ZDHHC3: variants seen among roughly 807,000 people sequenced by gnomAD.
ZDHHC3 encodes zDHHC palmitoyltransferase 3.
In ZDHHC3, 9 loss-of-function variants were observed where a neutral mutation model predicts 30.6. The ratio of observed to expected loss-of-function variants is 0.29; its 90% CI spans 0.18 to 0.51. ZDHHC3 has a LOEUF of 0.51. Ranked by LOEUF, ZDHHC3 falls within the 20% of genes least tolerant of loss-of-function variation. The pLI is 0.97. For synonymous variants in ZDHHC3, 136 were observed against 140.2 expected (o/e 0.97, Z 0.21); for missense variants, 246 against 384.2 (o/e 0.64, Z 3.01).
Position 44,932,814 on chromosome 3 carries a change from G to A in ZDHHC3, c.610+304C>T, listed in dbSNP as rs1331575577. On this transcript the variant is annotated intron_variant, in intron 5 of 6. Transcript: ENST00000424952. ...ACTTCTCTCCCAGCATGGCTCCCAC[G>A]CATTGGAACCGGCCTCTGTGCTTGC... is the stretch of plus-strand genomic sequence containing the variant. 26 of 1,159,544 alleles carry A rather than the reference G, an allele frequency of 2.2e-5. 1 individual carries two copies. The highest frequency in any genetic ancestry group is 6.3e-5 in the South Asian group (5 of 78,796). The allele number at this position is 1,159,544 out of a possible 1,614,324, so 71.8% of individuals were successfully genotyped here.
At chr3:44,937,941 C>T (rs959331275) in intron 3 of ZDHHC3, 5 of 475,576 alleles carry the variant, frequency 1.1e-5, no homozygotes, top group Admixed American at 4.4e-5. Context: ...CAAGGAACTG[C>T]CGTGAGACAG....
chr3:44,959,539 G>A lies in ZDHHC3; in HGVS notation c.-24-79C>T. On this transcript the variant is annotated intron_variant, in intron 1 of 6. Transcript: ENST00000424952. This position sits in a 1 kb window ranked among gnomAD's most constrained non-coding sequence, Gnocchi z 4.3. ...GGTTTGACAAAATTGCTCCCATAGT[G>A]AGTTGTGATTACTTATCTGCAACCC... is the stretch of plus-strand genomic sequence containing the variant. The A allele has an allele frequency of 7.7e-7, 1 of 1,296,796 alleles. No homozygotes were observed. Among genetic ancestry groups the A allele is most frequent in the Admixed American group, 2.2e-5 (1 of 45,588 alleles). 80.3% of individuals were successfully genotyped at this position (1,296,796 alleles called of 1,614,324 possible). A position where few individuals can be genotyped will look rare whatever the true frequency, so the allele number is the denominator to read the frequency against.
chr3:44,933,732 CTTG>C (rs1457899732), intron 4 of ZDHHC3, among the ~76,000 whole-genome samples, 153 bp downstream of exon 4: 1 of 152,206 alleles, frequency 6.6e-6, no homozygotes, highest in Non-Finnish European at 1.5e-5. Context: ...GGTACAGGCA[CTTG>C]TTGAGCCAGA....
chr3:44,961,853 C>T (rs760862836), intron 1 of ZDHHC3, among the ~76,000 whole-genome samples: 11 of 152,338 alleles, frequency 7.2e-5, no homozygotes, highest in South Asian at 6.2e-4. Flanking sequence ...ACAGCCATGT[C>T]ATTTGATTAT....
rs116213075 is a variant in ZDHHC3, at chr3:44,943,731, C to T, written c.431+1437G>A. Among the ~76,000 whole-genome samples the T allele has an allele frequency of 4.1e-3, 630 of 152,236 alleles. 4 individuals carry two copies. Among genetic ancestry groups the T allele is most frequent in the African/African-American group, 0.014 (602 of 41,550 alleles). ...ATGTAAAGTTTCCTTGTATGTCAGT[C>T]GAGGTGGCTCACACCTGTAATCCCA... On this transcript the variant is annotated intron_variant, in intron 3 of 6. Transcript: ENST00000424952.
rs549192714 is a variant in ZDHHC3, at chr3:44,927,225, T to C, written c.742-378A>G. ...GTGCTGGGCTGTGGATGGAGTACTA[T>C]GAAGGCTTTGGCGTGAGAGGCCTCA... is the stretch of plus-strand genomic sequence containing the variant. On this transcript the variant is annotated intron_variant, in intron 6 of 6. Coordinates refer to ENST00000424952, the MANE Select transcript of ZDHHC3 (RefSeq NM_001135179.2). Among the ~76,000 whole-genome samples the C allele has an allele frequency of 1.1e-4, 16 of 152,316 alleles. No homozygotes were observed. In the East Asian group the frequency reaches 2.3e-3, roughly 22 times the overall value.
At chr3:44,967,323 T>A (rs1018311498) in intron 1 of ZDHHC3, among the ~76,000 whole-genome samples, 3 of 152,184 alleles carry the variant, frequency 2.0e-5, no homozygotes, top group African/African-American at 7.2e-5. Context: ...TTCCTCTACT[T>A]ACTATAACTA....
At position 44,959,033 on chromosome 3, in the gene ZDHHC3, C is replaced by T. The variant is rs1247274329; in HGVS notation, c.306+98G>A. Reference sequence around the variant, plus strand: ...ACCCTCCCCTGGCCCTCCTATCCTCCAAGTTCCCAAGGTCCAGGGGGAACA... The same window carrying T: ...ACCCTCCCCTGGCCCTCCTATCCTCTAAGTTCCCAAGGTCCAGGGGGAACA... On this transcript the variant is annotated intron_variant, in intron 2 of 6. Coordinates refer to ENST00000424952, the MANE Select transcript of ZDHHC3 (RefSeq NM_001135179.2). This position sits in a 1 kb window ranked among gnomAD's most constrained non-coding sequence, Gnocchi z 4.3. 1.4e-6 allele frequency: 2 copies of T among 1,459,394 alleles called. No individual in the cohort carries two copies. The highest frequency in any genetic ancestry group is 1.9e-6 in the Non-Finnish European group (2 of 1,067,774). 90.4% of individuals were successfully genotyped at this position (1,459,394 alleles called of 1,614,324 possible). A position where few individuals can be genotyped will look rare whatever the true frequency, so the allele number is the denominator to read the frequency against.
chr3:44,941,557 C>T (rs1349984950), intron 3 of ZDHHC3, among the ~76,000 whole-genome samples: 2 of 152,142 alleles, frequency 1.3e-5, no homozygotes, highest in African/African-American at 2.4e-5. Context: ...GGGCTCTAAG[C>T]AGCCCAGGAC....
chr3:44,955,489 A>T (rs923530296), intron 2 of ZDHHC3, among the ~76,000 whole-genome samples: 1 of 148,552 alleles, frequency 6.7e-6, no homozygotes, highest in Non-Finnish European at 1.5e-5. Context: ...ATATATATAT[A>T]TTTTAAACTA....
intron 3 of ZDHHC3, 95 bp downstream of exon 3, chr3:44,945,073 G>C: frequency 6.4e-7 from 1 of 1,567,706 alleles, no homozygotes; most frequent in Non-Finnish European, 8.7e-7. Context: ...GCCCCTGTTG[G>C]GGAAGTGTGT....
intron 2 of ZDHHC3, among the ~76,000 whole-genome samples, chr3:44,950,456 C>T (rs1703346431): frequency 6.6e-6 from 1 of 152,208 alleles, no homozygotes. Flanking sequence ...TTGGTATTCT[C>T]ATTACGGCCT....
rs781519062 is a variant in ZDHHC3 at position 44,924,322 on chromosome 3, T to G, written c.*2367A>C. 2.1e-5 allele frequency: 21 copies of G among 985,348 alleles called. No individual in the cohort carries two copies. The highest frequency in any genetic ancestry group is 2.3e-5 in the Non-Finnish European group (19 of 829,946). The allele number at this position is 985,348 out of a possible 1,614,324, so 61.0% of individuals were successfully genotyped here. ...AATGATGGCTACATTCCTCAGTCAT[T>G]GTGCTCTTGGCAAAATATCAGTCTG... On this transcript the variant is annotated 3_prime_UTR_variant, in exon 7 of 7. Coordinates refer to ENST00000424952, the MANE Select transcript of ZDHHC3 (RefSeq NM_001135179.2).
chr3:44,942,200 G>A (rs183140061), intron 3 of ZDHHC3, among the ~76,000 whole-genome samples: 1 of 152,274 alleles, frequency 6.6e-6, no homozygotes, highest in Non-Finnish European at 1.5e-5. Context: ...AGCGGGCAAG[G>A]TCGACATCAA....
intron 1 of ZDHHC3, among the ~76,000 whole-genome samples, chr3:44,963,180 G>A (rs950436336): frequency 6.6e-5 from 10 of 152,262 alleles, no homozygotes; most frequent in South Asian, 6.2e-4. Flanking sequence ...TCAAGTAACC[G>A]GAATGTTCTA....
At chr3:44,973,971 G>A (rs1705641491) in intron 1 of ZDHHC3, among the ~76,000 whole-genome samples, 1 of 152,014 alleles carries the variant, frequency 6.6e-6, no homozygotes, top group African/African-American at 2.4e-5. Flanking sequence ...GATTTTTTTG[G>A]TTATCATATG....
At chr3:44,974,637 CCT>C (rs1705721772) in intron 1 of ZDHHC3, among the ~76,000 whole-genome samples, 1 of 152,230 alleles carries the variant, frequency 6.6e-6, no homozygotes, top group Non-Finnish European at 1.5e-5. Context: ...TCCGGCTTCA[CCT>C]CTTTCAGTTT....
chr3:44,953,357 T>G (rs759764981), intron 2 of ZDHHC3, among the ~76,000 whole-genome samples: 95 of 152,328 alleles, frequency 6.2e-4, no homozygotes, highest in Middle Eastern at 6.8e-3. Context: ...CACCACCAAC[T>G]ACCTCAGCAC....
Position 44,915,514 on chromosome 3 carries a change from G to A in ZDHHC3, c.*11175C>T, listed in dbSNP as rs1700102726. The A allele has an allele frequency of 6.6e-6, 1 of 152,358 alleles. No homozygotes were observed. Among genetic ancestry groups the A allele is most frequent in the Non-Finnish European group, 1.5e-5 (1 of 68,244 alleles). The allele number at this position is 152,358 out of a possible 1,614,324, so 9.4% of individuals were successfully genotyped here. A position where few individuals can be genotyped will look rare whatever the true frequency, so the allele number is the denominator to read the frequency against. ...CCCAGCCCAGCACCTCCCAGAACAG[G>A]GACTGACATGGCTGAGGTCTACCTT... On this transcript the variant is annotated 3_prime_UTR_variant, in exon 7 of 7. Coordinates refer to ENST00000424952, the MANE Select transcript of ZDHHC3 (RefSeq NM_001135179.2).
Sources: allele counts gnomAD v4.1 joint callset (sites outside exome capture counted in the v4.1 genomes callset), GRCh38; gene constraint gnomAD v4.1.1; non-coding constraint Gnocchi (gnomAD v3.1); transcripts MANE v1.5; gene names NCBI Gene and HGNC (gene_info 2026-07-23, HGNC 2026-07-21).